Variants in PALS2 observed in about 807,000 individuals in gnomAD.
The protein encoded by PALS2 is protein PALS2.
PALS2 carries 27 observed loss-of-function variants against 61.6 expected under a neutral mutation model. The observed-to-expected ratio is 0.44, with a 90% CI of 0.32 to 0.60. The LOEUF (loss-of-function observed/expected upper bound fraction) is 0.60, where lower values mean the gene tolerates loss of function less well. Among genes scored for constraint, PALS2 ranks in the 20% least tolerant of loss-of-function variants. The probability of loss-of-function intolerance (pLI) is 0.05; values close to 1 mark genes in which losing one functional copy is unlikely to be tolerated. For missense variants in PALS2, 554 were observed against 639.4 expected, an observed-to-expected ratio of 0.87 and a Z score of 1.44; for synonymous variants, 236 against 218.6, an observed-to-expected ratio of 1.08 and a Z score of -0.70.
At chr7:24,647,863 C>T (rs547631730) in intron 3 of PALS2, among the ~76,000 whole-genome samples, 12 of 152,028 alleles carry the variant, frequency 7.9e-5, no homozygotes, top group African/African-American at 1.2e-4. Flanking sequence ...GTGACTTTGA[C>T]GAGTTGTGGG....
At chr7:24,667,926 A>G (rs563327382) in intron 8 of PALS2, among the ~76,000 whole-genome samples, 1 of 152,156 alleles carries the variant, frequency 6.6e-6, no homozygotes, top group East Asian at 1.9e-4. Flanking sequence ...TCGGCCTGCG[A>G]AAGTGCTGGG....
At chr7:24,582,068 A>G (rs1055099962) in intron 1 of PALS2, among the ~76,000 whole-genome samples, 3 of 152,234 alleles carry the variant, frequency 2.0e-5, no homozygotes, top group African/African-American at 4.8e-5. Context: ...AAGTTTGTGA[A>G]GCAGTCTGCA....
At chr7:24,666,319 A>G (rs567337760) in intron 8 of PALS2, among the ~76,000 whole-genome samples, 5 of 152,334 alleles carry the variant, frequency 3.3e-5, no homozygotes, top group African/African-American at 1.2e-4. Flanking sequence ...CACAAAACAA[A>G]TTGGTTAAGA....
At chr7:24,631,591 G>A (rs552855986) in intron 2 of PALS2, among the ~76,000 whole-genome samples, 2 of 152,282 alleles carry the variant, frequency 1.3e-5, no homozygotes, top group African/African-American at 4.8e-5. Flanking sequence ...TGAAAGTTTT[G>A]CTTGGATAAA....
At chr7:24,598,535 G>C (rs1254417682) in intron 1 of PALS2, among the ~76,000 whole-genome samples, 1 of 152,146 alleles carries the variant, frequency 6.6e-6, no homozygotes, top group Non-Finnish European at 1.5e-5. Context: ...TTATCAGATT[G>C]CCTAAGTTTC....
At position 24,618,670 on chromosome 7, in the gene PALS2, C is replaced by G. The variant is rs1784381510; in HGVS notation, c.-2-4996C>G. ...AGGCTGCTGAGGTTCCTCTGATTAC[C>G]TTCCTCCCCTACCAAGCCTCCGCTC... On this transcript the variant is annotated intron_variant, in intron 1 of 11. Transcript: ENST00000222644. This position sits in a 1 kb window ranked among gnomAD's most constrained non-coding sequence, Gnocchi z 5.1. 6.6e-6 allele frequency among the ~76,000 whole-genome samples: 1 copy of G among 152,188 alleles called. No homozygotes were observed. The highest frequency in any genetic ancestry group is 1.5e-5 in the Non-Finnish European group (1 of 68,024).
intron 1 of PALS2, among the ~76,000 whole-genome samples, chr7:24,622,999 G>A (rs527269487): frequency 1.5e-4 from 23 of 151,896 alleles, no homozygotes; most frequent in East Asian, 1.4e-3. Context: ...TGAACCACTC[G>A]TTCATTCCTG....
At position 24,672,194 on chromosome 7, in the gene PALS2, A is replaced by ATGTGT. The variant is rs762749623; in HGVS notation, c.1114+3535_1114+3536insGTGTT. 4.3e-3 allele frequency among the ~76,000 whole-genome samples: 575 copies of ATGTGT among 133,640 alleles called. 1 individual carries two copies. The highest frequency in any genetic ancestry group is 5.9e-3 in the Non-Finnish European group (377 of 63,696). 87.7% of individuals were successfully genotyped at this position (133,640 alleles called of 152,430 possible). Reference sequence around the variant, plus strand: ...TAACTTGGCCTTGAGGACTACTGCCATCTGTTTTGTTTTGTTTTGTTTTGT... The same window carrying ATGTGT: ...TAACTTGGCCTTGAGGACTACTGCCATGTGTTCTGTTTTGTTTTGTTTTGTTTTGT... On this transcript the variant is annotated intron_variant, in intron 9 of 11. Transcript: ENST00000222644.
chr7:24,628,717 CAAATCATGAGT>C (rs1784858500), intron 2 of PALS2, among the ~76,000 whole-genome samples: 2 of 152,010 alleles, frequency 1.3e-5, no homozygotes, highest in African/African-American at 4.8e-5. Context: ...AAAAGAGAGC[CAAATCATGAGT>C]AAACTTCCAT....
Position 24,681,525 on chromosome 7 carries a change from A to ATTT in PALS2, c.1446+1022_1446+1024dup, listed in dbSNP as rs780176633. The stretch of plus-strand genomic sequence containing the variant: ...CAGTCTATATTTGAGTTTCTCCAAG[A>ATTT]TTTTTTTTTTTTTTTTTTTACTGTT... On this transcript the variant is annotated intron_variant, in intron 11 of 11. Transcript: ENST00000222644. Among the ~76,000 whole-genome samples the ATTT allele has an allele frequency of 7.2e-3, 998 of 138,562 alleles. 11 individuals are homozygous for ATTT. The highest frequency in any genetic ancestry group is 0.025 in the African/African-American group (922 of 37,464). 90.9% of individuals were successfully genotyped at this position (138,562 alleles called of 152,430 possible).
chr7:24,577,974 G>A (rs904905973), intron 1 of PALS2, among the ~76,000 whole-genome samples: 1 of 151,658 alleles, frequency 6.6e-6, no homozygotes, highest in African/African-American at 2.4e-5. Context: ...AATCTCACTC[G>A]GTCACCCCAG....
intron 2 of PALS2, among the ~76,000 whole-genome samples, chr7:24,626,357 A>G (rs1784743155): frequency 6.6e-6 from 1 of 152,200 alleles, no homozygotes; most frequent in African/African-American, 2.4e-5. Context: ...AAAATATCTA[A>G]TATATGTAGT....
At chr7:24,593,555 G>A (rs1318806145) in intron 1 of PALS2, among the ~76,000 whole-genome samples, 1 of 152,114 alleles carries the variant, frequency 6.6e-6, no homozygotes, top group Admixed American at 6.6e-5. Flanking sequence ...TTGAAAGTCA[G>A]AATTACTCCT....
intron 1 of PALS2, 150 bp from the exon 2 acceptor site, chr7:24,623,516 A>G (rs1226613398): frequency 1.8e-5 from 10 of 558,146 alleles, no homozygotes; most frequent in African/African-American, 3.8e-5. Context: ...CTGTTTAACA[A>G]TTTCATTTTT....
chr7:24,686,978 C>G (rs1355284730), intron 11 of PALS2, among the ~76,000 whole-genome samples: 1 of 152,156 alleles, frequency 6.6e-6, no homozygotes, highest in Non-Finnish European at 1.5e-5. Context: ...AAAAACACTT[C>G]TAAGATTCTC....
intron 1 of PALS2, among the ~76,000 whole-genome samples, chr7:24,577,271 C>CTTT (rs59851624): frequency 1.5e-5 from 2 of 131,334 alleles, no homozygotes; most frequent in Non-Finnish European, 3.3e-5. Context: ...TCCTTTTTTC[C>CTTT]TTTTTTTTTT....
intron 9 of PALS2, 126 bp downstream of exon 9, chr7:24,668,786 T>G: frequency 8.7e-7 from 1 of 1,155,722 alleles, no homozygotes; most frequent in Non-Finnish European, 1.2e-6. Flanking sequence ...GCAGTGAAAG[T>G]GAACAAGTAA....
chr7:24,636,100 T>C lies in PALS2; in HGVS notation c.118-5616T>C, dbSNP rs1008806386. Among the ~76,000 whole-genome samples the C allele has an allele frequency of 1.5e-4, 22 of 150,846 alleles. 1 individual carries two copies. The highest frequency in any genetic ancestry group is 3.4e-3 in the Middle Eastern group (1 of 290). On this transcript the variant is annotated intron_variant, in intron 2 of 11. Coordinates refer to ENST00000222644, the MANE Select transcript of PALS2 (RefSeq NM_001303037.2). ...GGTGGCGCATGCCTGTAATTCCAGC[T>C]ACTCAGGAGGCTGAGGCAGGAGAAT...
At chr7:24,614,449 A>T (rs1404637645) in intron 1 of PALS2, among the ~76,000 whole-genome samples, 1 of 151,938 alleles carries the variant, frequency 6.6e-6, no homozygotes, top group Admixed American at 6.6e-5. Flanking sequence ...GTAAATAGTA[A>T]CAATTTGACT....
Sources: allele counts gnomAD v4.1 joint callset (sites outside exome capture counted in the v4.1 genomes callset), GRCh38; gene constraint gnomAD v4.1.1; non-coding constraint Gnocchi (gnomAD v3.1); transcripts MANE v1.5; gene names NCBI Gene and HGNC (gene_info 2026-07-23, HGNC 2026-07-21).